The following KIF6 variants were observed in gnomAD, a reference collection of about 807,000 sequenced individuals.
KIF6 encodes kinesin family member 6, also known as kinesin-like protein KIF6.
Under a neutral mutation model 112.7 loss-of-function variants are expected in KIF6, and 106 were observed. The ratio of observed to expected loss-of-function variants is 0.94; its 90% CI spans 0.80 to 1.11. The LOEUF is 1.11. Ranked by LOEUF, KIF6 falls within the 50% of genes least tolerant of loss-of-function variation. The pLI, the probability that KIF6 is intolerant of heterozygous loss-of-function variation, is 0.00. For missense variants in KIF6, 929 were observed against 964.0 expected (o/e 0.96, Z 0.48); for synonymous variants, 339 against 339.9 (o/e 1.00, Z 0.03).
At chr6:39,462,562 T>A (rs1333646696) in intron 13 of KIF6, among the ~76,000 whole-genome samples, 1 of 152,132 alleles carries the variant, frequency 6.6e-6, no homozygotes, top group African/African-American at 2.4e-5. Flanking sequence ...ATGAGCATGA[T>A]GGGCTGGGAA....
chr6:39,692,826 T>C (rs942770230), intron 3 of KIF6, among the ~76,000 whole-genome samples: 3 of 151,090 alleles, frequency 2.0e-5, no homozygotes, highest in Non-Finnish European at 3.0e-5. Flanking sequence ...AGAAGAGTTA[T>C]CCTCCATATT....
intron 13 of KIF6, among the ~76,000 whole-genome samples, chr6:39,528,566 C>T (rs1040139701): frequency 6.6e-6 from 1 of 152,180 alleles, no homozygotes; most frequent in African/African-American, 2.4e-5. Context: ...TCCACAATGG[C>T]TGTATTAATT....
chr6:39,605,595 G>GA lies in KIF6; in HGVS notation c.639+7593dup, dbSNP rs572483792. On this transcript the variant is annotated intron_variant, in intron 6 of 22. Transcript: ENST00000287152. ...TCCATTTGTATCATTTTGTTCTAAT[G>GA]AAAAAAAATATATACTGTGAAACTT... Among the ~76,000 whole-genome samples, 470 of 151,718 alleles carry GA rather than the reference G, an allele frequency of 3.1e-3. 3 individuals are homozygous for GA. Among genetic ancestry groups the GA allele is most frequent in the African/African-American group, 0.011 (436 of 41,410 alleles).
intron 3 of KIF6, among the ~76,000 whole-genome samples, chr6:39,713,442 G>C (rs1789669455): frequency 6.6e-6 from 1 of 152,158 alleles, no homozygotes; most frequent in Admixed American, 6.5e-5. Context: ...GAATATAGTA[G>C]GCCATTTCTG....
chr6:39,612,609 A>C (rs116148519), intron 6 of KIF6, among the ~76,000 whole-genome samples: 1 of 152,248 alleles, frequency 6.6e-6, no homozygotes, highest in Non-Finnish European at 1.5e-5. Context: ...CAAATATTGC[A>C]CTGAGATATA....
At chr6:39,722,604 GC>G (rs1276438751) in intron 1 of KIF6, among the ~76,000 whole-genome samples, 1 of 152,086 alleles carries the variant, frequency 6.6e-6, no homozygotes, top group Non-Finnish European at 1.5e-5. Flanking sequence ...TAAAAGTAAT[GC>G]AGTAATGAAG....
intron 9 of KIF6, among the ~76,000 whole-genome samples, chr6:39,583,674 C>CTTTTTTTTTTTTTTTTTTT (rs564229262): frequency 1.4e-5 from 1 of 71,688 alleles, no homozygotes; most frequent in African/African-American, 4.9e-5. Context: ...GATTTCACTT[C>CTTTTTTTTTTTTTTTTTTT]TTTTTTTTTT....
At chr6:39,641,857 G>A (rs1582343234) in intron 3 of KIF6, among the ~76,000 whole-genome samples, 2 of 152,126 alleles carry the variant, frequency 1.3e-5, no homozygotes, top group East Asian at 3.9e-4. Flanking sequence ...TTTAATATGT[G>A]CTCCCCCTAC....
At chr6:39,584,469 T>C (rs150525828) in intron 9 of KIF6, among the ~76,000 whole-genome samples, 25 of 133,434 alleles carry the variant, frequency 1.9e-4, no homozygotes, top group Middle Eastern at 4.1e-3. Flanking sequence ...AAGACTATTA[T>C]TGTCTCTAGA....
chr6:39,436,371 G>A (rs907732241), intron 13 of KIF6, among the ~76,000 whole-genome samples: 11 of 151,794 alleles, frequency 7.2e-5, no homozygotes, highest in Admixed American at 5.9e-4. Flanking sequence ...AGTTTAATTA[G>A]GTCCCACTTA....
Position 39,720,506 on chromosome 6 carries a change from T to C in KIF6, c.176+196A>G, listed in dbSNP as rs1021740. Among the ~76,000 whole-genome samples the C allele has an allele frequency of 1.8e-3, 281 of 152,166 alleles. 1 individual carries two copies. Among genetic ancestry groups the C allele is most frequent in the African/African-American group, 6.6e-3 (272 of 41,514 alleles). ...GAATCTTGGAATACAATCTCAGATA[T>C]AGAAATACACATTATTTTTGACCTT... is the stretch of plus-strand genomic sequence containing the variant. On this transcript the variant is annotated intron_variant, in intron 2 of 22. Transcript: ENST00000287152.
At chr6:39,656,385 C>CA (rs1048739540) in intron 3 of KIF6, among the ~76,000 whole-genome samples, 3 of 152,214 alleles carry the variant, frequency 2.0e-5, no homozygotes, top group African/African-American at 7.2e-5. Flanking sequence ...TCATGTCCCT[C>CA]AAATTCATCC....
At chr6:39,422,194 G>A (rs1770422566) in intron 14 of KIF6, among the ~76,000 whole-genome samples, 1 of 152,182 alleles carries the variant, frequency 6.6e-6, no homozygotes, top group African/African-American at 2.4e-5. Flanking sequence ...AGATAGAAAA[G>A]GAAGACAACA....
intron 22 of KIF6, among the ~76,000 whole-genome samples, chr6:39,338,788 C>T (rs1451866922): frequency 6.6e-6 from 1 of 152,150 alleles, no homozygotes; most frequent in Non-Finnish European, 1.5e-5. Context: ...CACGTGGCTG[C>T]TGATGAGATC....
At chr6:39,473,241 C>T (rs1774238279) in intron 13 of KIF6, among the ~76,000 whole-genome samples, 1 of 152,004 alleles carries the variant, frequency 6.6e-6, no homozygotes, top group African/African-American at 2.4e-5. Context: ...ACTTCTACAT[C>T]CCAGGCATTC....
At chr6:39,363,598 T>C (rs531918747) in intron 16 of KIF6, among the ~76,000 whole-genome samples, 2 of 152,214 alleles carry the variant, frequency 1.3e-5, no homozygotes, top group Admixed American at 1.3e-4. Flanking sequence ...GTGGTTGCCC[T>C]GCTTTTCTGA....
rs1308863963 is a variant in KIF6, at chr6:39,332,819, C to T, written c.*3713G>A. ...TTCTCCTCTCTCTCTCCTTCTCTCT[C>T]TCTCATCCCTGGGACTCTGCCTTGC... On this transcript the variant is annotated 3_prime_UTR_variant, in exon 23 of 23. Transcript: ENST00000287152. The T allele has an allele frequency of 6.6e-6, 1 of 152,238 alleles. No individual in the cohort carries two copies. Among genetic ancestry groups the T allele is most frequent in the Non-Finnish European group, 1.5e-5 (1 of 68,062 alleles). 9.4% of individuals were successfully genotyped at this position (152,238 alleles called of 1,614,324 possible). A position where few individuals can be genotyped will look rare whatever the true frequency, so the allele number is the denominator to read the frequency against.
At chr6:39,657,501 A>C (rs1442357498) in intron 3 of KIF6, among the ~76,000 whole-genome samples, 1 of 152,110 alleles carries the variant, frequency 6.6e-6, no homozygotes, top group Admixed American at 6.6e-5. Flanking sequence ...CAAACAACTA[A>C]ATCTCCAAAG....
intron 3 of KIF6, among the ~76,000 whole-genome samples, chr6:39,642,556 G>A (rs1784961554): frequency 3.3e-5 from 5 of 152,102 alleles, no homozygotes; most frequent in Non-Finnish European, 7.4e-5. Context: ...CATGGTACTT[G>A]TCTTTGTTAG....
Sources: allele counts gnomAD v4.1 joint callset (sites outside exome capture counted in the v4.1 genomes callset), GRCh38; gene constraint gnomAD v4.1.1; transcripts MANE v1.5; gene names NCBI Gene and HGNC (gene_info 2026-07-23, HGNC 2026-07-21).